The following LRIG1 variants were observed in gnomAD, a reference collection of about 807,000 sequenced individuals.
LRIG1 encodes the protein leucine rich repeats and immunoglobulin like domains 1.
Under a neutral mutation model 99.2 loss-of-function variants are expected in LRIG1, and 48 were observed. The ratio of observed to expected loss-of-function variants is 0.48; its 90% CI spans 0.38 to 0.62. The LOEUF (loss-of-function observed/expected upper bound fraction) is 0.62. Among genes scored for constraint, LRIG1 ranks in the 20% least tolerant of loss-of-function variants. The probability of loss-of-function intolerance (pLI) is 0.00; values close to 1 mark genes in which losing one functional copy is unlikely to be tolerated. For synonymous variants in LRIG1, 772 were observed against 596.1 expected (o/e 1.29, Z -4.30); for missense variants, 1,646 against 1,434.4 (o/e 1.15, Z -2.38).
rs556368401 is a variant in LRIG1 at position 66,407,564 on chromosome 3, G to A, written c.936-73C>T. On this transcript the variant is annotated intron_variant, in intron 7 of 18. Coordinates refer to ENST00000273261, the MANE Select transcript of LRIG1 (RefSeq NM_015541.3). ...CCAACCCCACCCCACCGGAAATTGG[G>A]CCACAGTCAGCTGGGTTTCAGTGGG... 3.4e-5 allele frequency: 53 copies of A among 1,558,964 alleles called. 1 individual carries two copies. In the South Asian group the frequency reaches 5.4e-4, roughly 16 times the overall value.
intron 7 of LRIG1, among the ~76,000 whole-genome samples, chr3:66,408,962 G>GTGTGTGTGTGTGT (rs1553715390): frequency 2.7e-3 from 282 of 103,016 alleles, no homozygotes; most frequent in East Asian, 0.015. Flanking sequence ...GTGTGTGTGT[G>GTGTGTGTGTGTGT]GTGGGGGGAG....
At chr3:66,428,424 T>A (rs527553014) in intron 3 of LRIG1, among the ~76,000 whole-genome samples, 1 of 152,286 alleles carries the variant, frequency 6.6e-6, no homozygotes, top group African/African-American at 2.4e-5. Flanking sequence ...CAATCTAATC[T>A]TCTTCAGGTG....
chr3:66,481,305 A>G lies in LRIG1; in HGVS notation c.219-18796T>C, dbSNP rs185240273. ...TTCACACTTTCAGAGTGCAAAGTTC[A>G]CTCTGATATTGGTGGCTTTCTCACT... On this transcript the variant is annotated intron_variant, in intron 1 of 18. Coordinates refer to ENST00000273261, the MANE Select transcript of LRIG1 (RefSeq NM_015541.3). Among the ~76,000 whole-genome samples the G allele has an allele frequency of 5.1e-4, 78 of 152,272 alleles. 1 individual carries two copies. The highest frequency in any genetic ancestry group is 1.6e-3 in the African/African-American group (68 of 41,538).
chr3:66,457,953 G>A (rs1215511427), intron 2 of LRIG1, among the ~76,000 whole-genome samples: 1 of 152,178 alleles, frequency 6.6e-6, no homozygotes, highest in Non-Finnish European at 1.5e-5. Context: ...ATCTTCAGTT[G>A]ACTGTGAGAG....
At chr3:66,417,494 C>A in intron 3 of LRIG1, 1 of 522,774 alleles carries the variant, frequency 1.9e-6, no homozygotes, top group Non-Finnish European at 3.5e-6. Flanking sequence ...TATCCCTAGG[C>A]TTCCCTCTCC....
At chr3:66,472,688 G>A (rs576364386) in intron 1 of LRIG1, among the ~76,000 whole-genome samples, 34 of 152,298 alleles carry the variant, frequency 2.2e-4, no homozygotes, top group African/African-American at 8.2e-4. Context: ...GGGATAAAGT[G>A]ATAAGAAAAT....
chr3:66,410,593 T>C (rs2106670496), intron 6 of LRIG1, among the ~76,000 whole-genome samples: 1 of 152,250 alleles, frequency 6.6e-6, no homozygotes, highest in East Asian at 1.9e-4. Context: ...CATCCAGTAC[T>C]TGGGGAGGCC....
intron 8 of LRIG1, 107 bp from the exon 9 acceptor site, chr3:66,405,385 C>T (rs1702229874): frequency 1.2e-6 from 1 of 852,656 alleles, no homozygotes; most frequent in Admixed American, 1.9e-5. Context: ...GGTGCATGCA[C>T]CCTGGAGGCA....
rs538537401 is a variant in LRIG1 at position 66,379,235 on chromosome 3, A to G, written c.*1028T>C. The G allele has an allele frequency of 1.3e-5, 2 of 152,790 alleles. No homozygotes were observed. Among genetic ancestry groups the G allele is most frequent in the Admixed American group, 1.3e-4 (2 of 15,306 alleles). The allele number at this position is 152,790 out of a possible 1,614,324, so 9.5% of individuals were successfully genotyped here. A position where few individuals can be genotyped will look rare whatever the true frequency, so the allele number is the denominator to read the frequency against. ...ACCCAGGTCAAGGGCTGTCCTTTCCAGTCCCAGCTCAGTTTCATCTGTGCG... is the reference window on the plus strand; with the variant it reads ...ACCCAGGTCAAGGGCTGTCCTTTCCGGTCCCAGCTCAGTTTCATCTGTGCG... On this transcript the variant is annotated 3_prime_UTR_variant, in exon 19 of 19. Transcript: ENST00000273261.
At chr3:66,396,062 G>C (rs1259129692) in intron 11 of LRIG1, among the ~76,000 whole-genome samples, 1 of 152,238 alleles carries the variant, frequency 6.6e-6, no homozygotes, top group African/African-American at 2.4e-5. Context: ...TGTAGAAAGG[G>C]CTAAGCCTCA....
chr3:66,421,599 G>C (rs976669241), intron 3 of LRIG1, among the ~76,000 whole-genome samples: 1 of 152,182 alleles, frequency 6.6e-6, no homozygotes. Context: ...TGCTTTCACA[G>C]GCTGGCGTTG....
chr3:66,420,322 G>C (rs1051324063), intron 3 of LRIG1, among the ~76,000 whole-genome samples: 3 of 152,196 alleles, frequency 2.0e-5, no homozygotes, highest in African/African-American at 7.2e-5. Flanking sequence ...AACAAGTGTG[G>C]GTGAGGATGT....
At chr3:66,410,533 T>A (rs1702431916) in intron 6 of LRIG1, among the ~76,000 whole-genome samples, 1 of 152,186 alleles carries the variant, frequency 6.6e-6, no homozygotes, top group African/African-American at 2.4e-5. Flanking sequence ...TAGAAGTGAC[T>A]TTTTTGGCTG....
intron 1 of LRIG1, among the ~76,000 whole-genome samples, chr3:66,487,605 C>T (rs975801579): frequency 6.6e-6 from 1 of 152,192 alleles, no homozygotes. Flanking sequence ...CACACATACA[C>T]ACATACAGGG....
chr3:66,447,679 A>G (rs560965386), intron 3 of LRIG1, among the ~76,000 whole-genome samples: 49 of 152,342 alleles, frequency 3.2e-4, no homozygotes, highest in African/African-American at 1.1e-3. Flanking sequence ...CATGCACAGG[A>G]GACAAAAGCT....
intron 1 of LRIG1, among the ~76,000 whole-genome samples, chr3:66,484,436 AC>A (rs1468903440): frequency 6.6e-6 from 1 of 152,228 alleles, no homozygotes; most frequent in Non-Finnish European, 1.5e-5. Context: ...AAACTTCTAT[AC>A]ATAGCACTGC....
At chr3:66,453,593 C>A (rs1054311190) in intron 2 of LRIG1, among the ~76,000 whole-genome samples, 1 of 152,200 alleles carries the variant, frequency 6.6e-6, no homozygotes, top group African/African-American at 2.4e-5. Context: ...AATCAGGTAC[C>A]AGGTTAACTA....
intron 1 of LRIG1, among the ~76,000 whole-genome samples, chr3:66,483,112 C>T (rs2106901195): frequency 6.6e-6 from 1 of 152,224 alleles, no homozygotes; most frequent in Middle Eastern, 3.4e-3. Context: ...TATTCCAGCT[C>T]ACTGGGGACA....
chr3:66,443,478 T>C (rs1431372206), intron 3 of LRIG1, among the ~76,000 whole-genome samples: 1 of 152,212 alleles, frequency 6.6e-6, no homozygotes, highest in Non-Finnish European at 1.5e-5. Flanking sequence ...TTTAGGGTGT[T>C]ACTTACACCT....
Sources: gnomAD v4.1 joint callset for allele counts (sites outside exome capture counted in the v4.1 genomes callset) on GRCh38, gnomAD v4.1.1 for gene constraint, MANE v1.5 for transcripts, NCBI Gene and HGNC (gene_info 2026-07-23, HGNC 2026-07-21) for gene names.